GPC5: variants seen among roughly 807,000 people sequenced by gnomAD.
The protein encoded by GPC5 is glypican-5.
A neutral mutation model predicts 53.9 loss-of-function variants in GPC5; 47 were observed. The ratio of observed to expected loss-of-function variants is 0.87; its 90% CI spans 0.69 to 1.11. The LOEUF is 1.11. Among genes scored for constraint, GPC5 ranks in the 50% most tolerant of loss-of-function variants. The pLI is 0.00. For synonymous variants in GPC5, 286 were observed against 263.3 expected (o/e 1.09, Z -0.84); for missense variants, 748 against 713.1 (o/e 1.05, Z -0.56).
intron 7 of GPC5, among the ~76,000 whole-genome samples, chr13:92,361,677 T>C (rs895791431): frequency 5.3e-5 from 8 of 151,762 alleles, no homozygotes; most frequent in African/African-American, 1.9e-4. Flanking sequence ...AAGAGGAGGA[T>C]AAGATTCTTG....
intron 5 of GPC5, among the ~76,000 whole-genome samples, chr13:91,833,526 C>A (rs2138859208): frequency 6.6e-6 from 1 of 152,292 alleles, no homozygotes. Flanking sequence ...CCAAATCCAG[C>A]AGCACATCAA....
intron 7 of GPC5, among the ~76,000 whole-genome samples, chr13:92,180,408 T>A (rs577668852): frequency 6.6e-6 from 1 of 152,250 alleles, no homozygotes; most frequent in East Asian, 1.9e-4. Context: ...GATTTTCTCT[T>A]TGTGAATGTG....
chr13:92,582,142 C>T (rs767663794), intron 7 of GPC5, among the ~76,000 whole-genome samples: 1 of 152,010 alleles, frequency 6.6e-6, no homozygotes, highest in Non-Finnish European at 1.5e-5. Flanking sequence ...TATAGTTTTG[C>T]CCCTATACTT....
chr13:92,564,886 A>T (rs1882816288), intron 7 of GPC5, among the ~76,000 whole-genome samples: 2 of 152,066 alleles, frequency 1.3e-5, no homozygotes, highest in South Asian at 2.1e-4. Context: ...CAAATAAAAG[A>T]TGTTATTCTT....
intron 7 of GPC5, among the ~76,000 whole-genome samples, chr13:92,757,810 A>G (rs1469773730): frequency 6.6e-6 from 1 of 152,218 alleles, no homozygotes; most frequent in African/African-American, 2.4e-5. Flanking sequence ...TAGAATGGCA[A>G]TCATTATAAA....
intron 7 of GPC5, chr13:92,706,180 T>C (rs1887945692): frequency 6.6e-6 from 1 of 152,088 alleles, no homozygotes; most frequent in African/African-American, 2.4e-5. Context: ...TTAATATCTC[T>C]TTTCCTTTAT....
intron 7 of GPC5, among the ~76,000 whole-genome samples, chr13:92,771,256 C>A (rs1177740): frequency 0.017 from 2,619 of 152,156 alleles, 65 homozygotes; most frequent in Admixed American, 0.066. Flanking sequence ...CTCACCACTT[C>A]GCTTTGGGGC....
chr13:91,604,276 A>G (rs1435603664), intron 2 of GPC5, among the ~76,000 whole-genome samples: 2 of 142,722 alleles, frequency 1.4e-5, no homozygotes, highest in African/African-American at 2.6e-5. Flanking sequence ...TACAAAGGAC[A>G]TGAACTCATC....
chr13:91,816,692 G>T (rs1158641301), intron 5 of GPC5, among the ~76,000 whole-genome samples: 2 of 152,140 alleles, frequency 1.3e-5, no homozygotes, highest in Non-Finnish European at 2.9e-5. Context: ...CTACATAGAA[G>T]ACGCTTTTTG....
intron 7 of GPC5, among the ~76,000 whole-genome samples, chr13:92,516,635 G>A (rs933279845): frequency 1.3e-5 from 2 of 152,172 alleles, no homozygotes; most frequent in Non-Finnish European, 2.9e-5. Flanking sequence ...AGAAAGAGAA[G>A]CCTAGGAACG....
At chr13:91,501,469 C>T (rs1884632847) in intron 2 of GPC5, among the ~76,000 whole-genome samples, 1 of 151,962 alleles carries the variant, frequency 6.6e-6, no homozygotes, top group Non-Finnish European at 1.5e-5. Context: ...TTGTTCAATT[C>T]CCACCTGTGA....
chr13:92,211,836 G>C (rs77962097), intron 7 of GPC5, among the ~76,000 whole-genome samples: 6,369 of 152,230 alleles, frequency 0.042, 247 homozygotes, highest in Non-Finnish European at 0.058. Flanking sequence ...GAAAGGTTTC[G>C]TCTGTTCCTA....
intron 7 of GPC5, among the ~76,000 whole-genome samples, chr13:92,807,588 G>A (rs562743807): frequency 6.6e-6 from 1 of 152,036 alleles, no homozygotes; most frequent in South Asian, 2.1e-4. Flanking sequence ...TAAAGCAACC[G>A]CGTTTGTTTC....
chr13:92,612,630 G>A (rs1594346557), intron 7 of GPC5, among the ~76,000 whole-genome samples: 1 of 151,994 alleles, frequency 6.6e-6, no homozygotes, highest in East Asian at 1.9e-4. Flanking sequence ...GGAATTTCAG[G>A]ACTCTTATGT....
chr13:92,854,294 AATAT>A (rs1203162925), intron 7 of GPC5, among the ~76,000 whole-genome samples: 2 of 147,466 alleles, frequency 1.4e-5, no homozygotes, highest in Non-Finnish European at 1.5e-5. Flanking sequence ...TATATAGAAA[AATAT>A]ATATATTTAT....
At chr13:92,711,173 A>T (rs1007977871) in intron 7 of GPC5, among the ~76,000 whole-genome samples, 4 of 152,236 alleles carry the variant, frequency 2.6e-5, no homozygotes, top group Non-Finnish European at 5.9e-5. Flanking sequence ...GTCAAATCAT[A>T]AGAGTTGCAA....
At chr13:91,416,579 C>T (rs922870419) in intron 1 of GPC5, among the ~76,000 whole-genome samples, 9 of 151,994 alleles carry the variant, frequency 5.9e-5, no homozygotes, top group Admixed American at 1.3e-4. Flanking sequence ...CTTTACATTA[C>T]GCATTTCTCC....
At chr13:92,836,936 A>G (rs1192093066) in intron 7 of GPC5, among the ~76,000 whole-genome samples, 1 of 152,034 alleles carries the variant, frequency 6.6e-6, no homozygotes, top group East Asian at 1.9e-4. Context: ...GAGAAGAGTA[A>G]TAACTAAATA....
At chr13:92,396,032 T>TCTGA (rs1425547120) in intron 7 of GPC5, among the ~76,000 whole-genome samples, 1 of 150,882 alleles carries the variant, frequency 6.6e-6, no homozygotes, top group Non-Finnish European at 1.5e-5. Flanking sequence ...TCTCAGCCAT[T>TCTGA]CTGACTTCAA....
Sources: gnomAD v4.1 joint callset for allele counts (sites outside exome capture counted in the v4.1 genomes callset) on GRCh38, gnomAD v4.1.1 for gene constraint, MANE v1.5 for transcripts, NCBI Gene and HGNC (gene_info 2026-07-23, HGNC 2026-07-21) for gene names.